Variants in FMN1 observed in about 807,000 individuals in gnomAD.
FMN1 encodes formin 1.
A neutral mutation model predicts 132.4 loss-of-function variants in FMN1; 110 were observed. The ratio of observed to expected loss-of-function variants is 0.83; its 90% CI spans 0.71 to 0.97. The LOEUF (loss-of-function observed/expected upper bound fraction) is 0.97. Ranked by LOEUF, FMN1 falls within the 50% of genes least tolerant of loss-of-function variation. The pLI is 0.00. For missense variants in FMN1, 1,792 were observed against 1,705.3 expected, an observed-to-expected ratio of 1.05 and a Z score of -0.90; for synonymous variants, 722 against 651.7, an observed-to-expected ratio of 1.11 and a Z score of -1.64.
At chr15:33,046,934 A>T (rs2036714983) in intron 6 of FMN1, among the ~76,000 whole-genome samples, 1 of 152,256 alleles carries the variant, frequency 6.6e-6, no homozygotes, top group South Asian at 2.1e-4. Flanking sequence ...ACATGGGCTT[A>T]GAACCTCATA....
chr15:33,014,887 A>G (rs345826), intron 6 of FMN1, among the ~76,000 whole-genome samples: 78,937 of 152,094 alleles, frequency 0.52, 21,345 homozygotes, highest in East Asian at 0.71. Flanking sequence ...ATCACTTACT[A>G]AATGAGTTTA....
At chr15:33,039,604 T>G (rs773867183) in intron 6 of FMN1, among the ~76,000 whole-genome samples, 1 of 152,186 alleles carries the variant, frequency 6.6e-6, no homozygotes. Flanking sequence ...TTTTAAGCCC[T>G]ACATCTGCCC....
chr15:33,106,338 T>A (rs559297128), intron 4 of FMN1: 2 of 151,762 alleles, frequency 1.3e-5, no homozygotes, highest in East Asian at 3.9e-4. Flanking sequence ...GCAACGAGAA[T>A]GCCAAAATTT....
At chr15:32,816,559 G>A (rs1240615777) in intron 17 of FMN1, among the ~76,000 whole-genome samples, 1 of 152,176 alleles carries the variant, frequency 6.6e-6, no homozygotes, top group Non-Finnish European at 1.5e-5. Flanking sequence ...GGAGGCAGCT[G>A]CAGAGCACTT....
intron 10 of FMN1, among the ~76,000 whole-genome samples, chr15:32,915,999 A>G (rs1369307059): frequency 2.0e-5 from 3 of 152,166 alleles, no homozygotes; most frequent in Non-Finnish European, 4.4e-5. Context: ...ATTGAGGCAA[A>G]CATTTTTATG....
intron 10 of FMN1, among the ~76,000 whole-genome samples, chr15:32,915,901 A>G (rs1211823902): frequency 6.6e-6 from 1 of 152,238 alleles, no homozygotes; most frequent in Non-Finnish European, 1.5e-5. Context: ...ACACGCTGTG[A>G]AAAGCTGGTA....
chr15:33,018,127 G>C lies in FMN1; in HGVS notation c.2162-10052C>G, dbSNP rs190461297. On this transcript the variant is annotated intron_variant, in intron 6 of 20. Transcript: ENST00000616417. Reference sequence around the variant, plus strand: ...TACCCCCTTAAGGTGATGGTACTAGGAGATGGAGCCTTTGGGAGGTGATCA... The same window carrying C: ...TACCCCCTTAAGGTGATGGTACTAGCAGATGGAGCCTTTGGGAGGTGATCA... Among the ~76,000 whole-genome samples, 2 of 152,124 alleles carry C rather than the reference G, an allele frequency of 1.3e-5. 1 individual carries two copies. Among genetic ancestry groups the C allele is most frequent in the East Asian group, 3.9e-4 (2 of 5,170 alleles).
At chr15:32,988,769 T>C (rs1280594605) in intron 7 of FMN1, among the ~76,000 whole-genome samples, 1 of 61,348 alleles carries the variant, frequency 1.6e-5, no homozygotes, top group Non-Finnish European at 3.5e-5. Context: ...CACCTCCCTT[T>C]AATGTATTGA....
intron 6 of FMN1, among the ~76,000 whole-genome samples, chr15:33,056,600 T>C (rs939022970): frequency 6.6e-6 from 1 of 152,218 alleles, no homozygotes; most frequent in Non-Finnish European, 1.5e-5. Context: ...CAGTTCACTA[T>C]GTACATAGAA....
chr15:32,982,317 G>A (rs1247157322), intron 7 of FMN1, among the ~76,000 whole-genome samples: 1 of 152,150 alleles, frequency 6.6e-6, no homozygotes, highest in African/African-American at 2.4e-5. Context: ...TTGCTGATGG[G>A]AATGGACAGT....
chr15:33,046,368 T>A (rs183085712), intron 6 of FMN1, among the ~76,000 whole-genome samples: 8 of 152,200 alleles, frequency 5.3e-5, no homozygotes, highest in African/African-American at 1.4e-4. Context: ...ATTAGTCTCA[T>A]CTAGGGATGC....
chr15:32,890,277 G>A (rs2059995956), intron 15 of FMN1, among the ~76,000 whole-genome samples: 1 of 152,058 alleles, frequency 6.6e-6, no homozygotes, highest in South Asian at 2.1e-4. Context: ...TTTTCCTCTG[G>A]ATAGATACCC....
intron 9 of FMN1, among the ~76,000 whole-genome samples, chr15:32,937,731 C>T (rs899121073): frequency 9.2e-5 from 14 of 152,256 alleles, no homozygotes; most frequent in African/African-American, 2.9e-4. Flanking sequence ...AGTCAGGCTT[C>T]GCTGAAAGGG....
chr15:33,115,491 G>GC lies in FMN1; in HGVS notation c.1868-26518dup, dbSNP rs11289173. Among the ~76,000 whole-genome samples the GC allele has an allele frequency of 6.2e-3, 839 of 135,954 alleles. 10 individuals carry two copies. The highest frequency in any genetic ancestry group is 0.02 in the African/African-American group (709 of 35,688). The allele number at this position is 135,954 out of a possible 152,430, so 89.2% of individuals were successfully genotyped here. A position where few individuals can be genotyped will look rare whatever the true frequency, so the allele number is the denominator to read the frequency against. On this transcript the variant is annotated intron_variant, in intron 4 of 20. Coordinates refer to ENST00000616417, the MANE Select transcript of FMN1 (RefSeq NM_001277313.2). ...TAAGGAAACTGGATTTCATCCTTAA[G>GC]CCCCCCCCCCCCACACACACACGCA... is the stretch of plus-strand genomic sequence containing the variant.
chr15:32,874,211 C>T lies in FMN1; in HGVS notation c.3835+13961G>A, dbSNP rs557111391. ...TAATTTTTTGTACTTTTAGTAGAGACGGGATTTCGCTATGTTGGTCAGGCT... is the reference window on the plus strand; with the variant it reads ...TAATTTTTTGTACTTTTAGTAGAGATGGGATTTCGCTATGTTGGTCAGGCT... On this transcript the variant is annotated intron_variant, in intron 16 of 20. Coordinates refer to ENST00000616417, the MANE Select transcript of FMN1 (RefSeq NM_001277313.2). Among the ~76,000 whole-genome samples, 15 of 151,698 alleles carry T rather than the reference C, an allele frequency of 9.9e-5. No homozygotes were observed. In the East Asian group the frequency reaches 1.6e-3, roughly 16 times the overall value.
At position 32,857,747 on chromosome 15, in the gene FMN1, C is replaced by T. The variant is rs1170149049; in HGVS notation, c.3836-640G>A. 2.0e-5 allele frequency among the ~76,000 whole-genome samples: 3 copies of T among 152,292 alleles called. No homozygotes were observed. In the East Asian group the frequency reaches 5.8e-4, roughly 29 times the overall value. On this transcript the variant is annotated intron_variant, in intron 16 of 20. Transcript: ENST00000616417. Reference sequence around the variant, plus strand: ...ACTATCTAAAATTTGTAATAGAGTACTTTTTGATAATCAGGTCTGAGGTGA... The same window carrying T: ...ACTATCTAAAATTTGTAATAGAGTATTTTTTGATAATCAGGTCTGAGGTGA...
intron 16 of FMN1, among the ~76,000 whole-genome samples, chr15:32,858,423 G>A (rs1356704326): frequency 6.6e-6 from 1 of 152,276 alleles, no homozygotes; most frequent in African/African-American, 2.4e-5. Context: ...AGTACAATTT[G>A]AGGGAACCCT....
chr15:32,989,468 G>A (rs76934106), intron 7 of FMN1, among the ~76,000 whole-genome samples: 308 of 152,278 alleles, frequency 2.0e-3, no homozygotes, highest in African/African-American at 7.0e-3. Context: ...ATAAAAGCAT[G>A]CTGGAGGGAA....
intron 4 of FMN1, among the ~76,000 whole-genome samples, chr15:33,128,225 AACC>A (rs1963302982): frequency 6.6e-6 from 1 of 152,032 alleles, no homozygotes; most frequent in Non-Finnish European, 1.5e-5. Flanking sequence ...ACTTACGAGC[AACC>A]AAAGACCATA....
Sources: gnomAD v4.1 joint callset for allele counts (sites outside exome capture counted in the v4.1 genomes callset) on GRCh38, gnomAD v4.1.1 for gene constraint, MANE v1.5 for transcripts, NCBI Gene and HGNC (gene_info 2026-07-23, HGNC 2026-07-21) for gene names.